ESRRG: variants seen among roughly 807,000 people sequenced by gnomAD.
ESRRG encodes estrogen-related receptor gamma.
In ESRRG, 13 loss-of-function variants were observed where a neutral mutation model predicts 44.0. That is an observed-to-expected ratio of 0.30 (90% CI 0.19 to 0.47). The LOEUF is 0.47. ESRRG is among the 20% of genes least tolerant of loss of function. ESRRG has a pLI of 1.00. For missense variants in ESRRG, 395 were observed against 580.6 expected, an observed-to-expected ratio of 0.68 and a Z score of 3.29; for synonymous variants, 215 against 214.6, an observed-to-expected ratio of 1.00 and a Z score of -0.02.
intron 2 of ESRRG, among the ~76,000 whole-genome samples, chr1:216,869,900 C>A (rs1356574603): frequency 6.6e-6 from 1 of 151,818 alleles, no homozygotes; most frequent in East Asian, 1.9e-4. Context: ...AACCTTGTAA[C>A]CTGAAAAGTT....
chr1:216,896,071 T>A (rs1025830607), intron 2 of ESRRG, among the ~76,000 whole-genome samples: 1 of 152,212 alleles, frequency 6.6e-6, no homozygotes, highest in Non-Finnish European at 1.5e-5. Flanking sequence ...ATTGATTTCT[T>A]ACATTACATC....
At chr1:216,926,240 T>C (rs2062554875) in intron 2 of ESRRG, among the ~76,000 whole-genome samples, 1 of 152,114 alleles carries the variant, frequency 6.6e-6, no homozygotes, top group Non-Finnish European at 1.5e-5. Context: ...CCAGATCAGA[T>C]GAATTTGGCC....
At chr1:217,059,935 G>A (rs2087980906) in intron 1 of ESRRG, among the ~76,000 whole-genome samples, 1 of 151,982 alleles carries the variant, frequency 6.6e-6, no homozygotes, top group Admixed American at 6.6e-5. Flanking sequence ...AGTGTTTGAG[G>A]ATGCACACTG....
At chr1:216,663,953 C>T (rs1363745175) in intron 2 of ESRRG, among the ~76,000 whole-genome samples, 1 of 152,064 alleles carries the variant, frequency 6.6e-6, no homozygotes, top group Non-Finnish European at 1.5e-5. Flanking sequence ...TGAAGAGTTG[C>T]GCTCTCAAGC....
chr1:216,506,944 C>T lies in ESRRG; in HGVS notation c.1372G>A (p.Val458Ile). 1 of 1,613,596 alleles carries T rather than the reference C, an allele frequency of 6.2e-7. No individual in the cohort carries two copies. The change falls in exon 7 of 7, where the codon GTC becomes ATC. Residue 458 changes from valine to isoleucine, a missense_variant. Physicochemically the swap from Val to Ile is conservative, Grantham distance 29. Coordinates refer to ENST00000408911, the MANE Select transcript of ESRRG (RefSeq NM_001438.4). ...AAGGCCCAGGGAGCTTTTAGTCAGA[C>T]CTTGGCCTCCAACATTTCCAAAAAA... Reference protein sequence around the residue: ...KLFLEMLEAKV With the variant: ...KLFLEMLEAKI
chr1:216,606,199 C>G (rs2059913259), intron 3 of ESRRG, among the ~76,000 whole-genome samples: 1 of 152,148 alleles, frequency 6.6e-6, no homozygotes, highest in African/African-American at 2.4e-5. Context: ...GCCTGCAGAG[C>G]CTCCCCATTG....
intron 2 of ESRRG, among the ~76,000 whole-genome samples, chr1:216,904,154 A>T (rs2059418609): frequency 6.6e-6 from 1 of 152,180 alleles, no homozygotes; most frequent in South Asian, 2.1e-4. Flanking sequence ...TTGAAAATTC[A>T]TCAGAAGGCT....
At chr1:216,830,003 T>A (rs1457233976) in intron 2 of ESRRG, among the ~76,000 whole-genome samples, 1 of 152,128 alleles carries the variant, frequency 6.6e-6, no homozygotes, top group Non-Finnish European at 1.5e-5. Flanking sequence ...TGTTTCTAAA[T>A]GGAAGCATCA....
chr1:216,739,896 GTC>G (rs2090446794), intron 2 of ESRRG, among the ~76,000 whole-genome samples: 1 of 152,104 alleles, frequency 6.6e-6, no homozygotes, highest in Non-Finnish European at 1.5e-5. Context: ...ATGCAAAGAC[GTC>G]TCTTTCCTAC....
chr1:216,895,325 CA>C (rs1332871397), intron 2 of ESRRG, among the ~76,000 whole-genome samples: 2 of 152,114 alleles, frequency 1.3e-5, no homozygotes, highest in African/African-American at 4.8e-5. Context: ...AGAGCAAACT[CA>C]TAAAACCTAT....
At chr1:216,533,305 C>T (rs1041714670) in intron 5 of ESRRG, among the ~76,000 whole-genome samples, 2 of 151,982 alleles carry the variant, frequency 1.3e-5, no homozygotes, top group Non-Finnish European at 2.9e-5. Flanking sequence ...ATGTGACATG[C>T]TGCATTCGCA....
intron 1 of ESRRG, among the ~76,000 whole-genome samples, chr1:217,087,745 G>A (rs1470607486): frequency 5.9e-5 from 9 of 152,146 alleles, no homozygotes; most frequent in African/African-American, 1.4e-4. Context: ...TACTTAATGC[G>A]AGTTTAAAGA....
intron 2 of ESRRG, among the ~76,000 whole-genome samples, chr1:216,761,664 T>A (rs1487005652): frequency 6.6e-6 from 1 of 152,172 alleles, no homozygotes; most frequent in Non-Finnish European, 1.5e-5. Flanking sequence ...GCAAAATTAA[T>A]CTTTTACCTG....
At chr1:216,960,998 C>A (rs1333818885) in intron 1 of ESRRG, among the ~76,000 whole-genome samples, 1 of 152,146 alleles carries the variant, frequency 6.6e-6, no homozygotes, top group Non-Finnish European at 1.5e-5. Context: ...CTTTTGCAAG[C>A]TTCTTTCATC....
At chr1:216,869,209 T>C (rs1190452262) in intron 2 of ESRRG, among the ~76,000 whole-genome samples, 5 of 152,186 alleles carry the variant, frequency 3.3e-5, no homozygotes. Context: ...TACATCTAGA[T>C]TTTTGTTCAC....
At chr1:216,981,878 A>G (rs1488351966) in intron 1 of ESRRG, among the ~76,000 whole-genome samples, 1 of 152,218 alleles carries the variant, frequency 6.6e-6, no homozygotes, top group Non-Finnish European at 1.5e-5. Context: ...CCCTGTTCTC[A>G]CCATGTCATG....
chr1:216,699,714 G>T (rs2081010659), intron 1 of ESRRG, among the ~76,000 whole-genome samples: 1 of 152,102 alleles, frequency 6.6e-6, no homozygotes, highest in Non-Finnish European at 1.5e-5. Context: ...AAATGCAGGA[G>T]TTCAAACTGC....
chr1:216,617,110 A>G lies in ESRRG; in HGVS notation c.589+33863T>C, dbSNP rs2061524968. Among the ~76,000 whole-genome samples, 2 of 152,156 alleles carry G rather than the reference A, an allele frequency of 1.3e-5. 1 individual carries two copies. The highest frequency in any genetic ancestry group is 4.1e-4 in the South Asian group (2 of 4,832). The stretch of plus-strand genomic sequence containing the variant: ...TTTCAATGTTTGTTATATGATGTCA[A>G]TTATAGCTTAACTTCCTTTACCCTA... On this transcript the variant is annotated intron_variant, in intron 3 of 6. Coordinates refer to ENST00000408911, the MANE Select transcript of ESRRG (RefSeq NM_001438.4).
At chr1:217,096,439 G>A (rs1425612761) in intron 1 of ESRRG, among the ~76,000 whole-genome samples, 1 of 152,236 alleles carries the variant, frequency 6.6e-6, no homozygotes, top group African/African-American at 2.4e-5. Context: ...GAACAGTTGA[G>A]TGTGAGTCTC....
Sources: allele counts gnomAD v4.1 joint callset (sites outside exome capture counted in the v4.1 genomes callset), GRCh38; gene constraint gnomAD v4.1.1; transcripts MANE v1.5; gene names NCBI Gene and HGNC (gene_info 2026-07-23, HGNC 2026-07-21).